Variants in LRRC37A2 observed in about 807,000 individuals in gnomAD.
LRRC37A2 encodes leucine rich repeat containing 37 member A2.
In LRRC37A2, 9 loss-of-function variants were observed where a neutral mutation model predicts 68.8. The observed-to-expected ratio is 0.13, with a 90% confidence interval of 0.08 to 0.23. The LOEUF (loss-of-function observed/expected upper bound fraction) is 0.23, where lower values mean the gene tolerates loss of function less well. LRRC37A2 is among the 10% of genes least tolerant of loss of function. The pLI is 1.00. For synonymous variants in LRRC37A2, 63 were observed against 367.6 expected, an observed-to-expected ratio of 0.17 and a Z score of 9.48; for missense variants, 168 against 950.4, an observed-to-expected ratio of 0.18 and a Z score of 10.82.
At chr17:46,769,742 G>T in the LRRC37A2 span, 20 of 1,602,614 alleles carry the variant, frequency 1.2e-5, no homozygotes, top group Non-Finnish European at 1.4e-5. Context: ...GGAAGCGGGG[G>T]GCTGCTCCCT....
the LRRC37A2 span, among the ~76,000 whole-genome samples, chr17:46,774,367 C>T: frequency 1.3e-5 from 2 of 152,240 alleles, no homozygotes; most frequent in Admixed American, 6.5e-5. Context: ...CGCGCGCACA[C>T]ACACACACTA....
chr17:46,875,602 A>T, the LRRC37A2 span, among the ~76,000 whole-genome samples: 1 of 152,240 alleles, frequency 6.6e-6, no homozygotes, highest in African/African-American at 2.4e-5. Flanking sequence ...CATTGGTGGA[A>T]GCAGTGGTCA....
the LRRC37A2 span, chr17:46,933,014 A>T: frequency 1.3e-5 from 2 of 152,318 alleles, no homozygotes; most frequent in African/African-American, 2.4e-5. Context: ...AAATTTTCCC[A>T]AGTGTTTCAG....
At chr17:46,754,991 G>A in the LRRC37A2 span, among the ~76,000 whole-genome samples, 1 of 152,266 alleles carries the variant, frequency 6.6e-6, no homozygotes, top group Non-Finnish European at 1.5e-5. Context: ...TTTGAACTCT[G>A]ATGAATGGCC....
chr17:46,768,720 G>A, the LRRC37A2 span: 4 of 1,614,004 alleles, frequency 2.5e-6, no homozygotes, highest in Admixed American at 1.7e-5. This position sits in a 1 kb window ranked among gnomAD's most constrained non-coding sequence, Gnocchi z 5.0. Flanking sequence ...GTCAGGCTGC[G>A]CCCACCAGCA....
the LRRC37A2 span, among the ~76,000 whole-genome samples, chr17:46,737,952 A>ATTATT: frequency 7.1e-6 from 1 of 139,904 alleles, no homozygotes; most frequent in Admixed American, 7.2e-5. Flanking sequence ...TATTATTATT[A>ATTATT]GAGATAGGAT....
chr17:46,972,189 C>T, the LRRC37A2 span, among the ~76,000 whole-genome samples: 7 of 152,196 alleles, frequency 4.6e-5, no homozygotes, highest in Admixed American at 4.6e-4. Flanking sequence ...TGGGCTGGGG[C>T]AGGAGGCGAG....
chr17:47,000,609 A>G, the LRRC37A2 span, among the ~76,000 whole-genome samples: 1 of 151,854 alleles, frequency 6.6e-6, no homozygotes, highest in Non-Finnish European at 1.5e-5. Flanking sequence ...TCTACTCCTC[A>G]ATTGAACCTT....
intron 6 of LRRC37A2, among the ~76,000 whole-genome samples, chr17:46,532,162 A>G (rs1268031602): frequency 6.7e-6 from 1 of 149,556 alleles, no homozygotes; most frequent in South Asian, 2.1e-4. Flanking sequence ...GCCTCCCAAA[A>G]TGCTGGGATT....
the LRRC37A2 span, among the ~76,000 whole-genome samples, chr17:46,767,437 C>T: frequency 6.6e-6 from 1 of 152,210 alleles, no homozygotes; most frequent in African/African-American, 2.4e-5. Context: ...TGTGCAGGAA[C>T]TTGCCCTCTA....
chr17:46,389,484 G>A, the LRRC37A2 span, among the ~76,000 whole-genome samples: 1 of 55,520 alleles, frequency 1.8e-5, no homozygotes, highest in African/African-American at 8.4e-5. Context: ...CCAAACTTGT[G>A]TGAACCTAAT....
At chr17:46,997,996 G>A in the LRRC37A2 span, among the ~76,000 whole-genome samples, 7 of 149,392 alleles carry the variant, frequency 4.7e-5, no homozygotes, top group South Asian at 2.1e-4. Flanking sequence ...AAGAATAAAC[G>A]GAAAAAGAGA....
At chr17:46,735,283 A>G in the LRRC37A2 span, among the ~76,000 whole-genome samples, 107 of 152,256 alleles carry the variant, frequency 7.0e-4, no homozygotes, top group African/African-American at 2.5e-3. Flanking sequence ...TAGTGTTGAG[A>G]CGAAATATTT....
the LRRC37A2 span, among the ~76,000 whole-genome samples, chr17:46,613,131 A>T: frequency 2.3e-5 from 1 of 43,470 alleles, no homozygotes; most frequent in Admixed American, 2.1e-4. Flanking sequence ...TGTTTTAATT[A>T]CCTGGGTATG....
the LRRC37A2 span, among the ~76,000 whole-genome samples, chr17:46,741,588 C>CA: frequency 0.16 from 22,538 of 144,772 alleles, 1,938 homozygotes; most frequent in Non-Finnish European, 0.21. Context: ...CATTTAACTG[C>CA]AAAAAAAAAA....
At chr17:47,038,311 C>A in the LRRC37A2 span, among the ~76,000 whole-genome samples, 1 of 151,834 alleles carries the variant, frequency 6.6e-6, no homozygotes, top group African/African-American at 2.4e-5. Flanking sequence ...GAAAAATGAA[C>A]AGTAAAAAAA....
the LRRC37A2 span, among the ~76,000 whole-genome samples, chr17:46,943,161 A>G: frequency 2.8e-4 from 42 of 152,254 alleles, 2 homozygotes; most frequent in Admixed American, 2.4e-3. Flanking sequence ...TCCCCCATGC[A>G]CTTCCCCTGG....
At chr17:46,797,457 G>A in the LRRC37A2 span, among the ~76,000 whole-genome samples, 1 of 152,224 alleles carries the variant, frequency 6.6e-6, no homozygotes, top group Non-Finnish European at 1.5e-5. Flanking sequence ...GAAAGACGGT[G>A]AAGGCCCAAG....
At chr17:46,773,674 C>A in the LRRC37A2 span, 28 of 1,312,606 alleles carry the variant, frequency 2.1e-5, no homozygotes, top group Non-Finnish European at 2.8e-5. Flanking sequence ...GTACCTTTGT[C>A]GAGGACGGGC....
Sources: gnomAD v4.1 joint callset for allele counts (sites outside exome capture counted in the v4.1 genomes callset) on GRCh38, gnomAD v4.1.1 for gene constraint, Gnocchi (gnomAD v3.1) non-coding constraint, MANE v1.5 for transcripts, NCBI Gene and HGNC (gene_info 2026-07-23, HGNC 2026-07-21) for gene names.